The following TNFRSF10B variants were observed in gnomAD, a reference collection of about 807,000 sequenced individuals.
TNFRSF10B encodes the protein tumor necrosis factor receptor superfamily member 10B.
In TNFRSF10B, 35 loss-of-function variants were observed where a neutral mutation model predicts 41.4. The observed-to-expected ratio is 0.85, with a 90% CI of 0.65 to 1.12. The LOEUF (loss-of-function observed/expected upper bound fraction) is 1.12. Among genes scored for constraint, TNFRSF10B ranks in the 50% most tolerant of loss-of-function variants. The probability of loss-of-function intolerance (pLI) is 0.00; values close to 1 mark genes in which losing one functional copy is unlikely to be tolerated. For synonymous variants in TNFRSF10B, 230 were observed against 215.5 expected, an observed-to-expected ratio of 1.07 and a Z score of -0.59; for missense variants, 584 against 552.7, an observed-to-expected ratio of 1.06 and a Z score of -0.57.
intron 1 of TNFRSF10B, among the ~76,000 whole-genome samples, chr8:23,047,381 G>T (rs539993420): frequency 6.7e-6 from 1 of 149,504 alleles, no homozygotes; most frequent in South Asian, 2.1e-4. Context: ...AAAAGTTTCT[G>T]CACAACAAAG....
intron 1 of TNFRSF10B, among the ~76,000 whole-genome samples, chr8:23,066,458 CA>C (rs1316268783): frequency 4.6e-5 from 7 of 151,898 alleles, no homozygotes; most frequent in Non-Finnish European, 1.0e-4. Flanking sequence ...GGGAAATGTC[CA>C]AAGTGAAACA....
At chr8:23,046,563 T>C (rs1210073548) in intron 1 of TNFRSF10B, among the ~76,000 whole-genome samples, 1 of 149,282 alleles carries the variant, frequency 6.7e-6, no homozygotes, top group South Asian at 2.1e-4. Flanking sequence ...AAAATTCCAA[T>C]ATCATTTTTC....
chr8:23,036,701 A>G (rs1294584412), intron 2 of TNFRSF10B, among the ~76,000 whole-genome samples: 1 of 152,122 alleles, frequency 6.6e-6, no homozygotes, highest in Non-Finnish European at 1.5e-5. Flanking sequence ...AAAATTACCG[A>G]GCATGGTGGC....
chr8:23,034,699 C>T (rs1300646316), intron 2 of TNFRSF10B, among the ~76,000 whole-genome samples: 1 of 152,222 alleles, frequency 6.6e-6, no homozygotes, highest in Non-Finnish European at 1.5e-5. Flanking sequence ...GCACTCCAGC[C>T]TGGGTGACAG....
chr8:23,020,462 A>C lies in TNFRSF10B; in HGVS notation c.*2209T>G, dbSNP rs898844841. 2 of 454,018 alleles carry C rather than the reference A, an allele frequency of 4.4e-6. No individual in the cohort carries two copies. The highest frequency in any genetic ancestry group is 8.8e-6 in the Non-Finnish European group (2 of 226,734). The allele number at this position is 454,018 out of a possible 1,614,324, so 28.1% of individuals were successfully genotyped here. A position where few individuals can be genotyped will look rare whatever the true frequency, so the allele number is the denominator to read the frequency against. ...TGTAATCCCAGCACTTTCGGAGGCC[A>C]AGGTGGATCACCTGAGGTCAGGAGT... On this transcript the variant is annotated 3_prime_UTR_variant, in exon 9 of 9. Coordinates refer to ENST00000276431, the MANE Select transcript of TNFRSF10B (RefSeq NM_003842.5).
chr8:23,039,342 T>C (rs1381039917), intron 2 of TNFRSF10B, among the ~76,000 whole-genome samples: 2 of 151,866 alleles, frequency 1.3e-5, no homozygotes, highest in Admixed American at 6.6e-5. Context: ...TCTTAAGGAA[T>C]TGGTTCACAT....
At position 23,020,740 on chromosome 8, in the gene TNFRSF10B, A is replaced by T; in HGVS notation, c.*1931T>A. On this transcript the variant is annotated 3_prime_UTR_variant, in exon 9 of 9. Coordinates refer to ENST00000276431, the MANE Select transcript of TNFRSF10B (RefSeq NM_003842.5). ...AATCTTAAACACTGATAAGGCTGAC[A>T]CTCTAGATGCATCTTCTAGGAAGGC... 1 of 453,904 alleles carries T rather than the reference A, an allele frequency of 2.2e-6. No individual in the cohort carries two copies. Among genetic ancestry groups the T allele is most frequent in the Middle Eastern group, 6.9e-4 (1 of 1,444 alleles). The allele number at this position is 453,904 out of a possible 1,614,324, so 28.1% of individuals were successfully genotyped here.
chr8:23,065,170 A>T (rs1282979200), intron 1 of TNFRSF10B, among the ~76,000 whole-genome samples: 1 of 152,176 alleles, frequency 6.6e-6, no homozygotes, highest in African/African-American at 2.4e-5. Flanking sequence ...TCCCCAACCC[A>T]GGCACAGATT....
chr8:23,025,642 CA>C (rs765277657), intron 7 of TNFRSF10B, among the ~76,000 whole-genome samples: 1 of 152,050 alleles, frequency 6.6e-6, no homozygotes. Flanking sequence ...AAGAGTTTAG[CA>C]AAGAATCACA....
chr8:23,046,403 G>A (rs920596423), intron 1 of TNFRSF10B, among the ~76,000 whole-genome samples: 21 of 151,968 alleles, frequency 1.4e-4, no homozygotes, highest in South Asian at 8.3e-4. Flanking sequence ...GTTAAAAACC[G>A]TAAAACACTA....
At chr8:23,048,324 T>C (rs1357211943) in intron 1 of TNFRSF10B, among the ~76,000 whole-genome samples, 1 of 151,272 alleles carries the variant, frequency 6.6e-6, no homozygotes, top group African/African-American at 2.4e-5. Flanking sequence ...TAATCCCAGC[T>C]ACTCAGGAGG....
In TNFRSF10B at chr8:23,064,427, C is replaced by T. The variant is rs1812924730; in HGVS notation, c.144+4324G>A. ...ACGAGGCTGTGCCGTCCGTGGGCCT[C>T]TCTGATTGAGGGAGAATGGGCGTGT... On this transcript the variant is annotated intron_variant, in intron 1 of 8. Coordinates refer to ENST00000276431, the MANE Select transcript of TNFRSF10B (RefSeq NM_003842.5). Among the ~76,000 whole-genome samples the T allele has an allele frequency of 2.6e-5, 4 of 152,286 alleles. No homozygotes were observed. The South Asian group carries it at 8.3e-4, about 32-fold the overall frequency.
intron 1 of TNFRSF10B, among the ~76,000 whole-genome samples, chr8:23,061,970 G>A (rs186249298): frequency 7.6e-4 from 115 of 152,238 alleles, no homozygotes; most frequent in African/African-American, 2.1e-3. Context: ...GCATCAGTTA[G>A]GGATACTGGG....
chr8:23,044,532 T>C (rs1812298515), intron 1 of TNFRSF10B, among the ~76,000 whole-genome samples: 2 of 152,142 alleles, frequency 1.3e-5, no homozygotes, highest in African/African-American at 4.8e-5. Context: ...AACAAGCTCC[T>C]GAATAGCCAA....
At chr8:23,023,495 C>G (rs1171025320) in intron 8 of TNFRSF10B, among the ~76,000 whole-genome samples, 1 of 149,268 alleles carries the variant, frequency 6.7e-6, no homozygotes, top group South Asian at 2.1e-4. Flanking sequence ...CAAACAGACT[C>G]TGAGCAAGAA....
chr8:23,029,570 G>C (rs781064571), intron 4 of TNFRSF10B, 40 bp downstream of exon 4: 1 of 1,568,042 alleles, frequency 6.4e-7, no homozygotes. Context: ...GTCTTTTGGG[G>C]TTCCATGGAG....
chr8:23,058,964 C>T lies in TNFRSF10B; in HGVS notation c.144+9787G>A, dbSNP rs144841160. 3.9e-3 allele frequency among the ~76,000 whole-genome samples: 593 copies of T among 152,208 alleles called. 7 individuals carry two copies. The highest frequency in any genetic ancestry group is 0.015 in the Admixed American group (225 of 15,292). ...CACTACATTTATTAATGTTGTTGTGCAATAATCACAACTATCCATCCTCAG... is the reference window on the plus strand; with the variant it reads ...CACTACATTTATTAATGTTGTTGTGTAATAATCACAACTATCCATCCTCAG... On this transcript the variant is annotated intron_variant, in intron 1 of 8. Transcript: ENST00000276431.
rs1204412710 is a variant in TNFRSF10B, at chr8:23,027,432, C to A, written c.781-144G>T. ...CGCAGGCAGCCCAGACTCAGCACATCCAGGACCCGCTGCTGGGGCCAGGCC... is the reference window on the plus strand; with the variant it reads ...CGCAGGCAGCCCAGACTCAGCACATACAGGACCCGCTGCTGGGGCCAGGCC... On this transcript the variant is annotated intron_variant, in intron 6 of 8. Coordinates refer to ENST00000276431, the MANE Select transcript of TNFRSF10B (RefSeq NM_003842.5). 2.3e-5 allele frequency: 24 copies of A among 1,024,614 alleles called. No homozygotes were observed. In the East Asian group the frequency reaches 5.9e-4, roughly 25 times the overall value. The allele number at this position is 1,024,614 out of a possible 1,614,324, so 63.5% of individuals were successfully genotyped here.
chr8:23,053,465 AT>A (rs1563321220), intron 1 of TNFRSF10B, among the ~76,000 whole-genome samples: 1 of 149,196 alleles, frequency 6.7e-6, no homozygotes. Flanking sequence ...AGGTTAAAGG[AT>A]TGTTTTAAGT....
Sources: allele counts gnomAD v4.1 joint callset (sites outside exome capture counted in the v4.1 genomes callset), GRCh38; gene constraint gnomAD v4.1.1; transcripts MANE v1.5; gene names NCBI Gene and HGNC (gene_info 2026-07-23, HGNC 2026-07-21).